FAM168B: variants seen among roughly 807,000 people sequenced by gnomAD.
FAM168B encodes the protein family with sequence similarity 168 member B.
Under a neutral mutation model 21.8 loss-of-function variants are expected in FAM168B, and 19 were observed. That is an observed-to-expected ratio of 0.87 (90% CI 0.61 to 1.28). The LOEUF (loss-of-function observed/expected upper bound fraction) is 1.28, where lower values mean the gene tolerates loss of function less well. Among genes scored for constraint, FAM168B ranks in the 50% most tolerant of loss-of-function variants. The pLI, the probability that FAM168B is intolerant of heterozygous loss-of-function variation, is 0.00. For synonymous variants in FAM168B, 126 were observed against 104.8 expected (o/e 1.20, Z -1.24); for missense variants, 233 against 263.1 (o/e 0.89, Z 0.79).
intron 3 of FAM168B, among the ~76,000 whole-genome samples, chr2:131,065,060 C>T (rs902703600): frequency 6.6e-6 from 1 of 152,102 alleles, no homozygotes; most frequent in South Asian, 2.1e-4. Context: ...AGTGCTGATG[C>T]GGCCACAATA....
At chr2:131,092,225 C>T (rs1694070831) in intron 1 of FAM168B, among the ~76,000 whole-genome samples, 1 of 151,706 alleles carries the variant, frequency 6.6e-6, no homozygotes, top group Non-Finnish European at 1.5e-5. Context: ...CTTTAAACTA[C>T]GGAACTCCAC....
intron 3 of FAM168B, among the ~76,000 whole-genome samples, chr2:131,055,937 G>A (rs1041378601): frequency 2.6e-5 from 4 of 152,178 alleles, no homozygotes; most frequent in African/African-American, 7.2e-5. Context: ...AAAAGAGAAC[G>A]TTCTACAGAT....
At chr2:131,093,050 G>GC (rs1162787127) in intron 1 of FAM168B, among the ~76,000 whole-genome samples, 164 bp downstream of exon 1, 1 of 151,352 alleles carries the variant, frequency 6.6e-6, no homozygotes. Flanking sequence ...TCCGCCCCCG[G>GC]CCCCCGCCCG....
At position 131,050,597 on chromosome 2, in the gene FAM168B, G is replaced by C; in HGVS notation, c.*1868C>G. ...AATAGACATCAGGAATAAAGAATCT[G>C]CTGTTTACAATGATCCATGCAAAAA... On this transcript the variant is annotated 3_prime_UTR_variant, in exon 7 of 7. Transcript: ENST00000389915. 3 of 985,564 alleles carry C rather than the reference G, an allele frequency of 3.0e-6. No individual in the cohort carries two copies. The highest frequency in any genetic ancestry group is 3.6e-6 in the Non-Finnish European group (3 of 829,762). The allele number at this position is 985,564 out of a possible 1,614,324, so 61.1% of individuals were successfully genotyped here.
chr2:131,084,014 T>C (rs1164477322), intron 1 of FAM168B, among the ~76,000 whole-genome samples: 4 of 151,428 alleles, frequency 2.6e-5, no homozygotes, highest in Non-Finnish European at 5.9e-5. Context: ...GTGATTCTCC[T>C]GCCTCAGCCT....
intron 1 of FAM168B, among the ~76,000 whole-genome samples, chr2:131,086,927 A>T (rs1693734112): frequency 7.7e-6 from 1 of 129,146 alleles, no homozygotes; most frequent in Admixed American, 7.2e-5. Context: ...TAGCCGGGCG[A>T]GGTGGCGGGC....
At chr2:131,057,256 T>C (rs995458398) in intron 3 of FAM168B, among the ~76,000 whole-genome samples, 1 of 152,162 alleles carries the variant, frequency 6.6e-6, no homozygotes, top group Non-Finnish European at 1.5e-5. Flanking sequence ...TTATTCCTAG[T>C]AGCCAAAAAT....
chr2:131,057,639 G>T (rs562860367), intron 3 of FAM168B, among the ~76,000 whole-genome samples: 1 of 152,272 alleles, frequency 6.6e-6, no homozygotes, highest in East Asian at 1.9e-4. Context: ...GAAAAAATGA[G>T]CTGAGTATAA....
chr2:131,082,224 TTTCC>T (rs1317212333), intron 2 of FAM168B, among the ~76,000 whole-genome samples: 1 of 152,166 alleles, frequency 6.6e-6, no homozygotes, highest in African/African-American at 2.4e-5. Context: ...CCCATCAGGC[TTTCC>T]TGTAGAGTGG....
chr2:131,069,903 G>C (rs528776936), intron 3 of FAM168B, among the ~76,000 whole-genome samples: 88 of 151,876 alleles, frequency 5.8e-4, no homozygotes, highest in Middle Eastern at 6.8e-3. Context: ...CTGTCGCCCA[G>C]GCTGGAATGC....
At chr2:131,054,208 T>TA (rs925975132) in intron 5 of FAM168B, among the ~76,000 whole-genome samples, 7 of 147,434 alleles carry the variant, frequency 4.7e-5, no homozygotes, top group Non-Finnish European at 9.0e-5. Context: ...GACCCTGTCT[T>TA]AAAAAAAAAT....
rs938938305 is a variant in FAM168B at position 131,050,015 on chromosome 2, G to C, written c.*2450C>G. The C allele has an allele frequency of 6.1e-6, 6 of 985,328 alleles. No homozygotes were observed. Among genetic ancestry groups the C allele is most frequent in the African/African-American group, 1.7e-5 (1 of 57,232 alleles). 61.0% of individuals were successfully genotyped at this position (985,328 alleles called of 1,614,324 possible). ...AAATTTCAAAGTCAGAAAGATTTCTGCACGGATGTGCAATGCAAACTTATT... is the reference window on the plus strand; with the variant it reads ...AAATTTCAAAGTCAGAAAGATTTCTCCACGGATGTGCAATGCAAACTTATT... On this transcript the variant is annotated 3_prime_UTR_variant, in exon 7 of 7. Coordinates refer to ENST00000389915, the MANE Select transcript of FAM168B (RefSeq NM_001009993.4).
chr2:131,047,946 CTT>C lies in FAM168B; in HGVS notation c.*4517_*4518del, dbSNP rs1346501692. On this transcript the variant is annotated 3_prime_UTR_variant, in exon 7 of 7. Coordinates refer to ENST00000389915, the MANE Select transcript of FAM168B (RefSeq NM_001009993.4). The stretch of plus-strand genomic sequence containing the variant: ...AACAATTCTTGTTACAATAAACGTG[CTT>C]TTGAGATTTTTAAATCTGAGCTCAT... 4.5e-6 allele frequency: 1 copy of C among 221,532 alleles called. No individual in the cohort carries two copies. Among genetic ancestry groups the C allele is most frequent in the Non-Finnish European group, 9.3e-6 (1 of 107,670 alleles). 13.7% of individuals were successfully genotyped at this position (221,532 alleles called of 1,614,324 possible).
At chr2:131,067,937 G>A (rs912728068) in intron 3 of FAM168B, among the ~76,000 whole-genome samples, 16 of 152,086 alleles carry the variant, frequency 1.1e-4, no homozygotes, top group South Asian at 2.1e-4. Context: ...TAATCCCAAC[G>A]CTTTGGGATG....
chr2:131,064,612 A>G (rs1412356563), intron 3 of FAM168B, among the ~76,000 whole-genome samples: 1 of 152,358 alleles, frequency 6.6e-6, no homozygotes, highest in African/African-American at 2.4e-5. Context: ...GTTTTCAGAC[A>G]TGGAAAATCT....
intron 2 of FAM168B, among the ~76,000 whole-genome samples, chr2:131,080,048 C>T (rs1403311334): frequency 6.6e-6 from 1 of 151,162 alleles, no homozygotes; most frequent in Non-Finnish European, 1.5e-5. Flanking sequence ...ACGCGGGAGG[C>T]AGAGGTTGCA....
chr2:131,053,884 A>G (rs911942845), intron 5 of FAM168B, among the ~76,000 whole-genome samples: 1 of 151,984 alleles, frequency 6.6e-6, no homozygotes, highest in East Asian at 1.9e-4. Flanking sequence ...CAACAAAAAA[A>G]AGTTAAGATG....
At chr2:131,061,739 G>C (rs1190069829) in intron 3 of FAM168B, among the ~76,000 whole-genome samples, 3 of 151,716 alleles carry the variant, frequency 2.0e-5, no homozygotes, top group African/African-American at 2.4e-5. Flanking sequence ...CAGAGACTGC[G>C]GCAATGCACT....
chr2:131,070,867 CTG>C (rs373855755), intron 3 of FAM168B, among the ~76,000 whole-genome samples: 56 of 152,314 alleles, frequency 3.7e-4, no homozygotes, highest in African/African-American at 1.2e-3. Flanking sequence ...CTAGGCATAA[CTG>C]TGTCTCACAG....
Sources: allele counts gnomAD v4.1 joint callset (sites outside exome capture counted in the v4.1 genomes callset), GRCh38; gene constraint gnomAD v4.1.1; transcripts MANE v1.5; gene names NCBI Gene and HGNC (gene_info 2026-07-23, HGNC 2026-07-21).